CDH26: variants seen among roughly 807,000 people sequenced by gnomAD.
CDH26 encodes cadherin 26.
CDH26 carries 83 observed loss-of-function variants against 90.3 expected under a neutral mutation model. That is an observed-to-expected ratio of 0.92 (90% CI 0.77 to 1.10). CDH26 has a LOEUF of 1.10. CDH26 is among the 50% of genes least tolerant of loss of function. CDH26 has a pLI of 0.00. For missense variants in CDH26, 1,013 were observed against 1,037.6 expected (o/e 0.98, Z 0.33); for synonymous variants, 397 against 396.3 (o/e 1.00, Z -0.02).
At chr20:60,022,201 C>G (rs1009302294) in intron 7 of CDH26, among the ~76,000 whole-genome samples, 1 of 152,008 alleles carries the variant, frequency 6.6e-6, no homozygotes, top group African/African-American at 2.4e-5. Flanking sequence ...GTGAAAATTC[C>G]TAGCTTGTAA....
chr20:59,983,168 A>C, intron 5 of CDH26, 98 bp downstream of exon 5: 1 of 1,426,172 alleles, frequency 7.0e-7, no homozygotes, highest in Non-Finnish European at 9.5e-7. Flanking sequence ...ATCTTCAGGG[A>C]GAGTTTTTAC....
intron 4 of CDH26, among the ~76,000 whole-genome samples, chr20:59,977,621 T>C (rs1231121224): frequency 6.6e-6 from 1 of 151,908 alleles, no homozygotes; most frequent in African/African-American, 2.4e-5. Context: ...CAGTTTTAGA[T>C]TGACAGAAGC....
chr20:59,984,996 CAT>C lies in CDH26; in HGVS notation c.709-3_709-2del. Reference sequence around the variant, plus strand: ...GGGCTTAACTTTCCTTTTCCTCCCACATAGACCGCTCCTCAGTTTACACTGCT... The same window carrying C: ...GGGCTTAACTTTCCTTTTCCTCCCACAGACCGCTCCTCAGTTTACACTGCT... On this transcript the variant is annotated splice_region_variant and splice_polypyrimidine_tract_variant and intron_variant, in intron 6 of 17. Coordinates refer to ENST00000348616, the MANE Select transcript of CDH26 (RefSeq NM_177980.4). The C allele has an allele frequency of 1.2e-6, 2 of 1,613,882 alleles. No individual in the cohort carries two copies. The highest frequency in any genetic ancestry group is 1.7e-6 in the Non-Finnish European group (2 of 1,179,832).
At chr20:60,018,896 T>G (rs2061929865), downstream of CDH26, among the ~76,000 whole-genome samples, 1 of 151,946 alleles carries the variant, frequency 6.6e-6, no homozygotes, top group African/African-American at 2.4e-5. Context: ...TCTTGTAAGA[T>G]CAGAATAGTT....
intron 8 of CDH26, among the ~76,000 whole-genome samples, chr20:60,031,666 G>A (rs2062040705): frequency 6.6e-6 from 1 of 152,228 alleles, no homozygotes; most frequent in African/African-American, 2.4e-5. Context: ...GATGTGCAAA[G>A]TTCTTTACAG....
intron 16 of CDH26, among the ~76,000 whole-genome samples, chr20:60,003,561 T>C (rs1052236751): frequency 2.6e-5 from 4 of 152,174 alleles, no homozygotes; most frequent in African/African-American, 9.7e-5. Context: ...AGGATTCTCT[T>C]TGATTAATGA....
At chr20:60,028,677 G>A (rs1415830151) in intron 7 of CDH26, among the ~76,000 whole-genome samples, 3 of 152,180 alleles carry the variant, frequency 2.0e-5, no homozygotes, top group Non-Finnish European at 2.9e-5. Context: ...GCGTGTCTTA[G>A]GCTGACATGG....
At chr20:59,999,264 C>T (rs1354940195) in intron 13 of CDH26, among the ~76,000 whole-genome samples, 1 of 152,192 alleles carries the variant, frequency 6.6e-6, no homozygotes, top group Admixed American at 6.5e-5. Flanking sequence ...AGAGCCATCA[C>T]CATGAGCCCT....
At chr20:59,999,947 A>G (rs907232343) in intron 14 of CDH26, among the ~76,000 whole-genome samples, 5 of 152,212 alleles carry the variant, frequency 3.3e-5, no homozygotes, top group African/African-American at 9.7e-5. Context: ...TGCCATATGC[A>G]TATGGCACTT....
At chr20:60,004,854 A>G (rs543362132) in intron 16 of CDH26, among the ~76,000 whole-genome samples, 27 of 152,048 alleles carry the variant, frequency 1.8e-4, no homozygotes, top group Admixed American at 1.2e-3. Context: ...TTATGGGACC[A>G]GCTTTATATA....
intron 1 of CDH26, among the ~76,000 whole-genome samples, chr20:59,965,535 A>G (rs1362353953): frequency 6.6e-6 from 1 of 152,204 alleles, no homozygotes; most frequent in African/African-American, 2.4e-5. Flanking sequence ...GCCACTATCT[A>G]TATATTTTTT....
In CDH26 at chr20:59,989,318, A is replaced by G. The variant is rs168980; in HGVS notation, c.1283+155A>G. 0.32 allele frequency among the ~76,000 whole-genome samples: 48,944 copies of G among 151,448 alleles called. 10,742 individuals are homozygous for G. The highest frequency in any genetic ancestry group is 0.61 in the African/African-American group (25,315 of 41,178). On this transcript the variant is annotated intron_variant, in intron 9 of 17. Transcript: ENST00000348616. ...CCGAGGCGGGTGGATCATGAGGTCA[A>G]GAGATCGAGACCATCCTGGCTAACA...
chr20:60,002,492 G>T (rs994015552), intron 15 of CDH26, among the ~76,000 whole-genome samples: 2 of 152,076 alleles, frequency 1.3e-5, no homozygotes, highest in African/African-American at 4.8e-5. Flanking sequence ...AGCCCTGAGA[G>T]TTGTGCCGCT....
chr20:59,987,030 A>T (rs138209503), intron 7 of CDH26, among the ~76,000 whole-genome samples: 238 of 152,342 alleles, frequency 1.6e-3, no homozygotes, highest in African/African-American at 5.6e-3. Context: ...TATTTTGAAG[A>T]TCTACATGTG....
In CDH26 at chr20:60,021,916, A is replaced by ATATATATATATATATATATC. The variant is rs1261005381; in HGVS notation, c.948-9314_948-9313insATATATATATATATATATCT. 8.2e-3 allele frequency among the ~76,000 whole-genome samples: 785 copies of ATATATATATATATATATATC among 95,646 alleles called. 49 individuals carry two copies. The highest frequency in any genetic ancestry group is 0.012 in the Non-Finnish European group (467 of 39,286). 62.7% of individuals were successfully genotyped at this position (95,646 alleles called of 152,430 possible). A position where few individuals can be genotyped will look rare whatever the true frequency, so the allele number is the denominator to read the frequency against. On this transcript the variant is annotated intron_variant, in intron 7 of 8. Coordinates refer to the CDH26 transcript ENST00000370991. Reference sequence around the variant, plus strand: ...CACACACATATATATATATATATATATCCTGACTATTTTCATAGGCCTTTC... The same window carrying ATATATATATATATATATATC: ...CACACACATATATATATATATATATATATATATATATATATATATCTCCTGACTATTTTCATAGGCCTTTC...
intron 7 of CDH26, among the ~76,000 whole-genome samples, chr20:60,022,028 C>T (rs1046886509): frequency 4.0e-5 from 6 of 151,686 alleles, no homozygotes; most frequent in Non-Finnish European, 5.9e-5. Flanking sequence ...TTCAGCCTTT[C>T]CCTTTACATG....
At chr20:59,963,107 G>A (rs2061097184) in intron 1 of CDH26, among the ~76,000 whole-genome samples, 1 of 152,114 alleles carries the variant, frequency 6.6e-6, no homozygotes. Context: ...TCATGATTGG[G>A]CTGTTGTGAG....
chr20:59,976,395 C>G (rs929624023), intron 4 of CDH26, among the ~76,000 whole-genome samples: 4 of 152,212 alleles, frequency 2.6e-5, no homozygotes, highest in Admixed American at 1.3e-4. Context: ...ATAAACAGCA[C>G]TCATGTTTCT....
chr20:59,999,034 A>G (rs2061640516), intron 13 of CDH26, among the ~76,000 whole-genome samples: 1 of 152,196 alleles, frequency 6.6e-6, no homozygotes, highest in Admixed American at 6.5e-5. Context: ...CACTAGCTGC[A>G]CACATGTTGT....
Sources: gnomAD v4.1 joint callset for allele counts (sites outside exome capture counted in the v4.1 genomes callset) on GRCh38, gnomAD v4.1.1 for gene constraint, MANE v1.5 for transcripts, NCBI Gene and HGNC (gene_info 2026-07-23, HGNC 2026-07-21) for gene names.